Variants in SCP2 observed in about 807,000 individuals in gnomAD.
SCP2 encodes sterol carrier protein 2.
Under a neutral mutation model 71.4 loss-of-function variants are expected in SCP2, and 48 were observed. The ratio of observed to expected loss-of-function variants is 0.67; its 90% confidence interval spans 0.53 to 0.86. SCP2 has a LOEUF of 0.86. SCP2 is among the 40% of genes least tolerant of loss of function. The pLI is 0.00. For missense variants in SCP2, 560 were observed against 655.6 expected, an observed-to-expected ratio of 0.85 and a Z score of 1.59; for synonymous variants, 220 against 218.1, an observed-to-expected ratio of 1.01 and a Z score of -0.08.
rs1385562917 is a variant in SCP2 at position 52,948,084 on chromosome 1, T to C, written c.199+4T>C. On this transcript the variant is annotated splice_donor_region_variant and intron_variant, in intron 3 of 15. Transcript: ENST00000371514. ...GCATGTGTTGGCTATGTTTTTGGTA[T>C]GTATTAAACTGTGTATTCTAAAATT... 8.8e-6 allele frequency: 14 copies of C among 1,588,650 alleles called. No homozygotes were observed. Among genetic ancestry groups the C allele is most frequent in the Non-Finnish European group, 1.2e-5 (14 of 1,156,914 alleles).
chr1:53,020,889 G>A (rs6695341), intron 12 of SCP2, among the ~76,000 whole-genome samples: 20,853 of 152,070 alleles, frequency 0.14, 2,028 homozygotes, highest in East Asian at 0.32. Context: ...AAACTTACGC[G>A]TACTGTACGA....
Position 52,956,298 on chromosome 1 carries a change from G to A in SCP2, c.396+1494G>A, listed in dbSNP as rs968197298. Reference sequence around the variant, plus strand: ...AGCCTGGGCGACAGAGTGAGACTCCGTTTCAAAAAAAAGAAAATGAGTTGA... The same window carrying A: ...AGCCTGGGCGACAGAGTGAGACTCCATTTCAAAAAAAAGAAAATGAGTTGA... On this transcript the variant is annotated intron_variant, in intron 5 of 15. Coordinates refer to ENST00000371514, the MANE Select transcript of SCP2 (RefSeq NM_002979.5). Among the ~76,000 whole-genome samples, 18 of 151,870 alleles carry A rather than the reference G, an allele frequency of 1.2e-4. 1 individual carries two copies. Among genetic ancestry groups the A allele is most frequent in the South Asian group, 6.2e-4 (3 of 4,810 alleles).
intron 9 of SCP2, among the ~76,000 whole-genome samples, chr1:52,979,401 G>T (rs547992103): frequency 6.8e-6 from 1 of 147,178 alleles, no homozygotes; most frequent in African/African-American, 2.5e-5. Flanking sequence ...GGCTGGTCTT[G>T]AACTCCTGGA....
intron 13 of SCP2, among the ~76,000 whole-genome samples, chr1:53,030,599 A>G (rs561503943): frequency 6.6e-6 from 1 of 152,134 alleles, no homozygotes; most frequent in Admixed American, 6.5e-5. Flanking sequence ...TGGTTTTTAA[A>G]AAAATCTCTG....
At chr1:52,931,887 C>T (rs1653185834) in intron 1 of SCP2, among the ~76,000 whole-genome samples, 1 of 151,796 alleles carries the variant, frequency 6.6e-6, no homozygotes, top group Non-Finnish European at 1.5e-5. Context: ...CTGTAACAAC[C>T]TCAGGGAGAT....
intron 13 of SCP2, among the ~76,000 whole-genome samples, chr1:53,035,423 A>G (rs538886852): frequency 7.2e-5 from 11 of 152,324 alleles, no homozygotes; most frequent in African/African-American, 2.6e-4. Flanking sequence ...CCCAAAGGAC[A>G]TTAAAGAAAA....
intron 15 of SCP2, chr1:53,049,033 A>T (rs1018006070): frequency 4.6e-5 from 7 of 152,210 alleles, no homozygotes; most frequent in African/African-American, 1.7e-4. Flanking sequence ...AGCACATTTT[A>T]GTTGATGCCA....
chr1:53,024,772 A>C (rs887849823), intron 12 of SCP2, among the ~76,000 whole-genome samples: 1 of 151,880 alleles, frequency 6.6e-6, no homozygotes, highest in African/African-American at 2.4e-5. Flanking sequence ...GGGTTTCACT[A>C]TGTTGGCCAG....
chr1:52,954,472 T>C (rs771468751), intron 4 of SCP2, among the ~76,000 whole-genome samples: 1 of 152,190 alleles, frequency 6.6e-6, no homozygotes, highest in African/African-American at 2.4e-5. Flanking sequence ...TCACTAGGAC[T>C]ACAGGTGTGT....
At chr1:53,033,604 C>CAAAAA (rs59576285) in intron 13 of SCP2, among the ~76,000 whole-genome samples, 2 of 79,714 alleles carry the variant, frequency 2.5e-5, no homozygotes, top group African/African-American at 3.7e-5. Flanking sequence ...AACTCCATTT[C>CAAAAA]AAAAAAAAAA....
At chr1:52,947,497 T>TA (rs1654919739) in intron 2 of SCP2, among the ~76,000 whole-genome samples, 1 of 152,184 alleles carries the variant, frequency 6.6e-6, no homozygotes, top group African/African-American at 2.4e-5. Context: ...CTCATTTACT[T>TA]ACATAATTTT....
intron 10 of SCP2, among the ~76,000 whole-genome samples, chr1:52,981,640 C>T (rs1043509411): frequency 2.1e-4 from 32 of 151,696 alleles, no homozygotes; most frequent in Admixed American, 9.9e-4. Flanking sequence ...CCATGTTGCG[C>T]GGGCTGTTCT....
At chr1:52,932,869 AT>A (rs1444629016) in intron 1 of SCP2, among the ~76,000 whole-genome samples, 1 of 152,262 alleles carries the variant, frequency 6.6e-6, no homozygotes, top group African/African-American at 2.4e-5. Flanking sequence ...GTGCTTGAGA[AT>A]TAAGATTCTT....
chr1:53,007,169 C>T (rs535522126), intron 11 of SCP2, among the ~76,000 whole-genome samples: 26 of 152,262 alleles, frequency 1.7e-4, no homozygotes, highest in African/African-American at 5.8e-4. Flanking sequence ...TAGACTCCCA[C>T]ACAATAATAA....
intron 14 of SCP2, among the ~76,000 whole-genome samples, chr1:53,046,249 G>A (rs1218197606): frequency 2.6e-5 from 4 of 151,738 alleles, no homozygotes; most frequent in Admixed American, 2.6e-4. Flanking sequence ...TTTTCTGAAA[G>A]TGGCTGCATC....
chr1:52,989,421 G>A (rs1169568495), intron 11 of SCP2, among the ~76,000 whole-genome samples: 2 of 152,174 alleles, frequency 1.3e-5, no homozygotes, highest in Admixed American at 1.3e-4. Context: ...TGAGAGCAAC[G>A]AGCTTTGTGG....
At chr1:53,037,243 AT>A (rs1462535976) in intron 13 of SCP2, among the ~76,000 whole-genome samples, 1 of 151,872 alleles carries the variant, frequency 6.6e-6, no homozygotes, top group Non-Finnish European at 1.5e-5. Flanking sequence ...TTCTCTAAAA[AT>A]TTTTTTTCAA....
intron 6 of SCP2, among the ~76,000 whole-genome samples, chr1:52,964,826 A>G (rs1307967659): frequency 6.6e-6 from 1 of 152,140 alleles, no homozygotes. Flanking sequence ...CAGCCTGGCC[A>G]ACATGGTGAA....
At chr1:53,014,130 C>T (rs1456028512) in intron 11 of SCP2, among the ~76,000 whole-genome samples, 2 of 148,864 alleles carry the variant, frequency 1.3e-5, no homozygotes, top group Non-Finnish European at 1.5e-5. Context: ...TGGTCTTGAT[C>T]TCCTGACCTC....
Sources: gnomAD v4.1 joint callset for allele counts (sites outside exome capture counted in the v4.1 genomes callset) on GRCh38, gnomAD v4.1.1 for gene constraint, MANE v1.5 for transcripts, NCBI Gene and HGNC (gene_info 2026-07-23, HGNC 2026-07-21) for gene names.